Variants in GRID2 observed in about 807,000 individuals in gnomAD.
GRID2 encodes glutamate ionotropic receptor delta type subunit 2, also known as glutamate receptor ionotropic, delta-2.
GRID2 carries 33 observed loss-of-function variants against 114.8 expected under a neutral mutation model. The observed-to-expected ratio is 0.29, with a 90% confidence interval of 0.22 to 0.38. GRID2 has a LOEUF of 0.38. GRID2 is among the 10% of genes least tolerant of loss of function. GRID2 has a pLI of 1.00. For synonymous variants in GRID2, 505 were observed against 449.9 expected (o/e 1.12, Z -1.55); for missense variants, 1,184 against 1,257.7 (o/e 0.94, Z 0.89).
intron 1 of GRID2, among the ~76,000 whole-genome samples, chr4:92,390,928 G>T (rs2110259948): frequency 6.6e-6 from 1 of 152,226 alleles, no homozygotes; most frequent in African/African-American, 2.4e-5. Context: ...TGGTACCCAG[G>T]ATAAAATAGG....
At chr4:93,249,477 T>A (rs986999756) in intron 8 of GRID2, among the ~76,000 whole-genome samples, 3 of 152,096 alleles carry the variant, frequency 2.0e-5, no homozygotes, top group African/African-American at 7.2e-5. Context: ...CATGGCCAAC[T>A]TCATGATATC....
intron 2 of GRID2, among the ~76,000 whole-genome samples, chr4:92,866,859 C>T (rs1186635552): frequency 6.6e-6 from 1 of 152,204 alleles, no homozygotes; most frequent in African/African-American, 2.4e-5. Context: ...CCGATGTTAT[C>T]CTCTTTTTGA....
chr4:92,891,554 C>A (rs1746784041), intron 2 of GRID2, among the ~76,000 whole-genome samples: 4 of 152,108 alleles, frequency 2.6e-5, no homozygotes, highest in African/African-American at 9.7e-5. Flanking sequence ...TCACCTAGAG[C>A]TGAGCAGCAT....
chr4:93,243,969 T>C (rs1028189808), intron 8 of GRID2, among the ~76,000 whole-genome samples: 7 of 152,058 alleles, frequency 4.6e-5, no homozygotes, highest in Non-Finnish European at 8.8e-5. Flanking sequence ...AGTCACTATA[T>C]AGAATTTCTA....
chr4:93,121,680 G>A (rs1014057537), intron 4 of GRID2, among the ~76,000 whole-genome samples: 4 of 152,044 alleles, frequency 2.6e-5, no homozygotes, highest in African/African-American at 7.2e-5. Context: ...CAAGGAGTAC[G>A]CATAAGGCAT....
chr4:92,953,338 A>T (rs1181453243), intron 2 of GRID2, among the ~76,000 whole-genome samples: 3 of 152,180 alleles, frequency 2.0e-5, no homozygotes, highest in Non-Finnish European at 4.4e-5. Flanking sequence ...TTCATTATAA[A>T]GATTACATTC....
chr4:92,668,368 G>A (rs1732888363), intron 2 of GRID2, among the ~76,000 whole-genome samples: 1 of 151,594 alleles, frequency 6.6e-6, no homozygotes, highest in African/African-American at 2.4e-5. Flanking sequence ...AGACCTATGA[G>A]GTTATTTAAG....
chr4:92,896,305 C>T (rs1454436499), intron 2 of GRID2, among the ~76,000 whole-genome samples: 1 of 152,142 alleles, frequency 6.6e-6, no homozygotes, highest in Non-Finnish European at 1.5e-5. Flanking sequence ...AGAATTAAGA[C>T]AGTAGTGAGG....
At chr4:92,654,368 T>A in intron 2 of GRID2, among the ~76,000 whole-genome samples, 1 of 151,938 alleles carries the variant, frequency 6.6e-6, no homozygotes, top group East Asian at 1.9e-4. Context: ...TCTAATACCA[T>A]CACACTAGCA....
At chr4:93,803,849 T>C (rs1355257720) in intron 1 of GRID2, among the ~76,000 whole-genome samples, 2 of 152,230 alleles carry the variant, frequency 1.3e-5, no homozygotes, top group African/African-American at 2.4e-5. Flanking sequence ...AAAGTGTGAA[T>C]GCAACAATTG....
At chr4:93,335,772 C>T (rs1174683102) in intron 8 of GRID2, among the ~76,000 whole-genome samples, 1 of 149,584 alleles carries the variant, frequency 6.7e-6, no homozygotes, top group Non-Finnish European at 1.5e-5. Context: ...AATCAGGGCT[C>T]ACCACAGCCT....
At chr4:92,694,440 A>T (rs747582591) in intron 2 of GRID2, among the ~76,000 whole-genome samples, 2 of 152,200 alleles carry the variant, frequency 1.3e-5, no homozygotes, top group South Asian at 4.1e-4. Context: ...TCAGCGCTAC[A>T]GGGCTAAACA....
At chr4:93,198,067 T>C (rs1262779517) in intron 4 of GRID2, among the ~76,000 whole-genome samples, 3 of 152,156 alleles carry the variant, frequency 2.0e-5, no homozygotes, top group Non-Finnish European at 4.4e-5. Flanking sequence ...AAGGACGAGT[T>C]AGGGCTATAT....
chr4:93,430,940 A>G (rs1769351800), intron 10 of GRID2, among the ~76,000 whole-genome samples: 1 of 152,250 alleles, frequency 6.6e-6, no homozygotes, highest in Non-Finnish European at 1.5e-5. Context: ...CAGCATGGAA[A>G]GCAGGCCAAA....
At chr4:93,728,683 A>C (rs546061331) in intron 14 of GRID2, among the ~76,000 whole-genome samples, 6 of 152,184 alleles carry the variant, frequency 3.9e-5, no homozygotes, top group Non-Finnish European at 5.9e-5. Context: ...TATTGGGTGC[A>C]TATATATTTA....
intron 14 of GRID2, among the ~76,000 whole-genome samples, chr4:93,750,175 T>C (rs1172466676): frequency 1.3e-5 from 2 of 152,208 alleles, no homozygotes; most frequent in African/African-American, 2.4e-5. Flanking sequence ...AAGGAGCTTG[T>C]AATCCTTTCA....
At chr4:93,236,004 G>C (rs1746745947) in intron 7 of GRID2, among the ~76,000 whole-genome samples, 1 of 151,932 alleles carries the variant, frequency 6.6e-6, no homozygotes, top group African/African-American at 2.4e-5. Flanking sequence ...ATAAATTTAA[G>C]ATTCTGATAT....
intron 3 of GRID2, among the ~76,000 whole-genome samples, chr4:93,104,070 A>G (rs1175108757): frequency 5.9e-5 from 9 of 152,006 alleles, no homozygotes; most frequent in Non-Finnish European, 1.2e-4. Flanking sequence ...TTTGGTGTCT[A>G]TTGTTCCCAT....
At chr4:93,043,095 G>C (rs1207077179) in intron 2 of GRID2, among the ~76,000 whole-genome samples, 7 of 152,132 alleles carry the variant, frequency 4.6e-5, no homozygotes, top group Non-Finnish European at 5.9e-5. Flanking sequence ...ATCAAGGTCT[G>C]TTAATGAATA....
Sources: gnomAD v4.1 joint callset for allele counts (sites outside exome capture counted in the v4.1 genomes callset) on GRCh38, gnomAD v4.1.1 for gene constraint, MANE v1.5 for transcripts, NCBI Gene and HGNC (gene_info 2026-07-23, HGNC 2026-07-21) for gene names.